The following CAMTA1 variants were observed in gnomAD, a reference collection of about 807,000 sequenced individuals.
CAMTA1 encodes calmodulin-binding transcription activator 1.
In CAMTA1, 27 loss-of-function variants were observed where a neutral mutation model predicts 170.9. The observed-to-expected ratio is 0.16, with a 90% CI of 0.12 to 0.22. The LOEUF (loss-of-function observed/expected upper bound fraction) is 0.22. Ranked by LOEUF, CAMTA1 falls within the 10% of genes least tolerant of loss-of-function variation. The pLI, the probability that CAMTA1 is intolerant of heterozygous loss-of-function variation, is 1.00. For missense variants in CAMTA1, 1,619 were observed against 2,217.2 expected, an observed-to-expected ratio of 0.73 and a Z score of 5.42; for synonymous variants, 833 against 891.5, an observed-to-expected ratio of 0.93 and a Z score of 1.17.
At chr1:7,655,728 G>A (rs752823249) in intron 7 of CAMTA1, among the ~76,000 whole-genome samples, 8 of 151,116 alleles carry the variant, frequency 5.3e-5, no homozygotes, top group Admixed American at 2.0e-4. Context: ...CACATACACC[G>A]ATACACCCAC....
intron 5 of CAMTA1, among the ~76,000 whole-genome samples, chr1:7,414,932 G>A (rs946097624): frequency 6.6e-5 from 10 of 151,926 alleles, no homozygotes; most frequent in African/African-American, 9.6e-5. Flanking sequence ...TGCTTTGAAT[G>A]TGTCCCAGAG....
chr1:6,816,660 TCC>T (rs1278603618), intron 1 of CAMTA1, among the ~76,000 whole-genome samples: 1 of 152,200 alleles, frequency 6.6e-6, no homozygotes, highest in Admixed American at 6.5e-5. Context: ...CACTGTGTTG[TCC>T]TGTGGACACA....
intron 5 of CAMTA1, among the ~76,000 whole-genome samples, chr1:7,361,538 G>A (rs1057271379): frequency 1.5e-4 from 23 of 152,216 alleles, no homozygotes; most frequent in Admixed American, 8.5e-4. Flanking sequence ...GATCCTCCCT[G>A]CTAGCTGTGT....
chr1:7,675,998 C>A (rs1283250418), intron 10 of CAMTA1, among the ~76,000 whole-genome samples: 2 of 152,236 alleles, frequency 1.3e-5, no homozygotes, highest in Non-Finnish European at 2.9e-5. Flanking sequence ...GTTGAAGAGG[C>A]CATCCCCCCC....
Position 7,104,120 on chromosome 1 carries a change from AAC to A in CAMTA1, c.302+12755_302+12756del, listed in dbSNP as rs1000942550. Among the ~76,000 whole-genome samples, 443 of 55,672 alleles carry A rather than the reference AAC, an allele frequency of 8.0e-3. 3 individuals carry two copies. Among genetic ancestry groups the A allele is most frequent in the African/African-American group, 0.025 (378 of 14,998 alleles). 36.5% of individuals were successfully genotyped at this position (55,672 alleles called of 152,430 possible). Reference sequence around the variant, plus strand: ...TACACAACTACACACATGTACACACAACACACATAACTACACACGTACACACA... The same window carrying A: ...TACACAACTACACACATGTACACACAACACATAACTACACACGTACACACA... On this transcript the variant is annotated intron_variant, in intron 4 of 22. Coordinates refer to ENST00000303635, the MANE Select transcript of CAMTA1 (RefSeq NM_015215.4).
chr1:7,284,926 C>A (rs1352494779), intron 5 of CAMTA1, among the ~76,000 whole-genome samples: 1 of 152,184 alleles, frequency 6.6e-6, no homozygotes, highest in African/African-American at 2.4e-5. Context: ...AAGGATAGCC[C>A]AGTGGAGGGA....
intron 3 of CAMTA1, among the ~76,000 whole-genome samples, chr1:6,836,036 A>G (rs1194498873): frequency 1.3e-5 from 2 of 152,138 alleles, no homozygotes; most frequent in Non-Finnish European, 2.9e-5. Context: ...TGAGTGTCAC[A>G]GTCTGCCTGC....
intron 4 of CAMTA1, among the ~76,000 whole-genome samples, chr1:7,142,644 G>T (rs573452550): frequency 6.6e-6 from 1 of 152,280 alleles, no homozygotes; most frequent in East Asian, 1.9e-4. Flanking sequence ...TCCAGGAGCT[G>T]GTTGTTTAAA....
At chr1:7,211,630 A>G (rs758755035) in intron 4 of CAMTA1, among the ~76,000 whole-genome samples, 17 of 152,138 alleles carry the variant, frequency 1.1e-4, no homozygotes, top group Non-Finnish European at 1.8e-4. Context: ...GTCCAGCAAA[A>G]TGTCCCAAGG....
intron 11 of CAMTA1, among the ~76,000 whole-genome samples, chr1:7,714,283 A>G (rs1254929379): frequency 1.3e-5 from 2 of 152,240 alleles, no homozygotes; most frequent in Non-Finnish European, 1.5e-5. Context: ...CAAGAAATTT[A>G]GAACATCCAA....
intron 5 of CAMTA1, among the ~76,000 whole-genome samples, chr1:7,408,209 C>CA (rs1165018282): frequency 7.4e-3 from 1 of 136 alleles, no homozygotes; most frequent in South Asian, 0.25. Context: ...CCAGGGCCCC[C>CA]GGCAAGCCTG....
chr1:7,346,167 A>AGCATATCTTC (rs1553141214), intron 5 of CAMTA1, among the ~76,000 whole-genome samples: 1 of 152,212 alleles, frequency 6.6e-6, no homozygotes, highest in Non-Finnish European at 1.5e-5. Flanking sequence ...CAAGGCCTAC[A>AGCATATCTTC]GCATATCTTC....
intron 3 of CAMTA1, among the ~76,000 whole-genome samples, chr1:6,951,195 AC>A (rs1688424512): frequency 6.6e-6 from 1 of 152,178 alleles, no homozygotes; most frequent in African/African-American, 2.4e-5. Flanking sequence ...ATAAAAACTC[AC>A]AGTTAAAACA....
intron 3 of CAMTA1, among the ~76,000 whole-genome samples, chr1:7,082,593 C>G (rs1640181396): frequency 6.6e-6 from 1 of 152,162 alleles, no homozygotes; most frequent in Non-Finnish European, 1.5e-5. Context: ...AGTTTGGTGC[C>G]TCCCCCTCCA....
At chr1:6,790,533 A>G (rs1330249884) in intron 1 of CAMTA1, among the ~76,000 whole-genome samples, 2 of 152,294 alleles carry the variant, frequency 1.3e-5, no homozygotes, top group South Asian at 2.1e-4. Context: ...TAGGCATTCT[A>G]TAGAACATAG....
chr1:7,656,920 T>A (rs547682260), intron 7 of CAMTA1, among the ~76,000 whole-genome samples: 1 of 152,322 alleles, frequency 6.6e-6, no homozygotes, highest in Admixed American at 6.5e-5. Context: ...GAGGGCTAGG[T>A]CAGCATTGGA....
At chr1:6,933,690 A>T (rs1425801029) in intron 3 of CAMTA1, among the ~76,000 whole-genome samples, 6 of 150,332 alleles carry the variant, frequency 4.0e-5, no homozygotes, top group Non-Finnish European at 7.4e-5. Flanking sequence ...TTGCACGTAG[A>T]CATCCAATTA....
intron 6 of CAMTA1, among the ~76,000 whole-genome samples, chr1:7,557,994 C>T (rs755850055): frequency 2.6e-5 from 4 of 152,172 alleles, no homozygotes; most frequent in Non-Finnish European, 5.9e-5. Context: ...GTGGGGCTTC[C>T]GGCTCTGGGC....
chr1:6,859,074 A>G (rs144109249), intron 3 of CAMTA1, among the ~76,000 whole-genome samples: 32 of 152,376 alleles, frequency 2.1e-4, no homozygotes, highest in African/African-American at 7.5e-4. Context: ...GAAAAATTCT[A>G]ATAACAGGAG....
Sources: allele counts gnomAD v4.1 joint callset (sites outside exome capture counted in the v4.1 genomes callset), GRCh38; gene constraint gnomAD v4.1.1; transcripts MANE v1.5; gene names NCBI Gene and HGNC (gene_info 2026-07-23, HGNC 2026-07-21).